GALNT2: variants seen among roughly 807,000 people sequenced by gnomAD.
GALNT2 encodes polypeptide N-acetylgalactosaminyltransferase 2.
In GALNT2, 31 loss-of-function variants were observed where a neutral mutation model predicts 81.4. That is an observed-to-expected ratio of 0.38 (90% confidence interval 0.29 to 0.51). GALNT2 has a LOEUF of 0.51. GALNT2 is among the 20% of genes least tolerant of loss of function. The probability of loss-of-function intolerance (pLI) is 0.87; values close to 1 mark genes in which losing one functional copy is unlikely to be tolerated. For synonymous variants in GALNT2, 303 were observed against 287.4 expected (o/e 1.05, Z -0.55); for missense variants, 629 against 765.7 (o/e 0.82, Z 2.11).
chr1:230,194,746 A>G (rs1572072344), intron 2 of GALNT2, among the ~76,000 whole-genome samples: 1 of 152,338 alleles, frequency 6.6e-6, no homozygotes, highest in Non-Finnish European at 1.5e-5. Context: ...AGTTGCAGGA[A>G]CGCCTGTAGG....
At chr1:230,094,425 A>C (rs1349937309) in intron 1 of GALNT2, among the ~76,000 whole-genome samples, 1 of 152,084 alleles carries the variant, frequency 6.6e-6, no homozygotes, top group African/African-American at 2.4e-5. Flanking sequence ...ACCTGAGCTC[A>C]GGAGTTTGAG....
At chr1:230,097,493 A>G (rs755891999) in intron 1 of GALNT2, among the ~76,000 whole-genome samples, 4 of 152,162 alleles carry the variant, frequency 2.6e-5, no homozygotes, top group Non-Finnish European at 5.9e-5. Context: ...GGAATCATAC[A>G]GTATTTGTCC....
chr1:230,279,177 A>T lies in GALNT2; in HGVS notation c.1561-126A>T. 2 of 1,036,824 alleles carry T rather than the reference A, an allele frequency of 1.9e-6. No individual in the cohort carries two copies. Among genetic ancestry groups the T allele is most frequent in the Non-Finnish European group, 2.8e-6 (2 of 725,728 alleles). The allele number at this position is 1,036,824 out of a possible 1,614,324, so 64.2% of individuals were successfully genotyped here. The stretch of plus-strand genomic sequence containing the variant: ...TGCAAGCTCCTCGGCCGTTCAGATG[A>T]GAGGCTGGGAAAAACGTGTCTATCT... On this transcript the variant is annotated intron_variant, in intron 15 of 15. Coordinates refer to ENST00000366672, the MANE Select transcript of GALNT2 (RefSeq NM_004481.5). This position sits in a 1 kb window ranked among gnomAD's most constrained non-coding sequence, Gnocchi z 4.6.
At chr1:230,144,964 T>G (rs1188518824) in intron 1 of GALNT2, among the ~76,000 whole-genome samples, 7 of 152,080 alleles carry the variant, frequency 4.6e-5, no homozygotes, top group Admixed American at 4.6e-4. Context: ...AGGTGAGATG[T>G]GTAGTGATGT....
intron 1 of GALNT2, among the ~76,000 whole-genome samples, chr1:230,134,237 T>C (rs1343394801): frequency 6.6e-6 from 1 of 151,514 alleles, no homozygotes; most frequent in Non-Finnish European, 1.5e-5. Flanking sequence ...GCCTCCCGAA[T>C]AGCTGGGACT....
In GALNT2 at chr1:230,279,737, C is replaced by T. The variant is rs890282620; in HGVS notation, c.*279C>T. ...TCCTTCCAGCTTTCACTTCTGCCGG[C>T]TCCGCAACTGAGTGACACCCAGCGA... On this transcript the variant is annotated 3_prime_UTR_variant, in exon 16 of 16. Transcript: ENST00000366672. The surrounding 1 kb of genome is among the most constrained non-coding windows in gnomAD (Gnocchi z 4.6). 116 of 526,386 alleles carry T rather than the reference C, an allele frequency of 2.2e-4. No individual in the cohort carries two copies. The highest frequency in any genetic ancestry group is 3.4e-4 in the Non-Finnish European group (95 of 278,476). The allele number at this position is 526,386 out of a possible 1,614,324, so 32.6% of individuals were successfully genotyped here.
At chr1:230,091,346 T>C (rs1281090152) in intron 1 of GALNT2, among the ~76,000 whole-genome samples, 1 of 152,104 alleles carries the variant, frequency 6.6e-6, no homozygotes, top group Admixed American at 6.5e-5. Context: ...AGTGCTGGGA[T>C]TACAGGTGTG....
In GALNT2 at chr1:230,281,629, GT is replaced by G. The variant is rs1364664950; in HGVS notation, c.*2172del. 6.5e-6 allele frequency: 1 copy of G among 152,728 alleles called. No individual in the cohort carries two copies. The highest frequency in any genetic ancestry group is 2.1e-4 in the South Asian group (1 of 4,822). 9.5% of individuals were successfully genotyped at this position (152,728 alleles called of 1,614,324 possible). ...CCTCTCAGCCTTCCTATCATCCCACGTGTCTACCCAGACCCTTGTGCGGCCC... is the reference window on the plus strand; with the variant it reads ...CCTCTCAGCCTTCCTATCATCCCACGGTCTACCCAGACCCTTGTGCGGCCC... On this transcript the variant is annotated 3_prime_UTR_variant, in exon 16 of 16. Transcript: ENST00000366672.
intron 1 of GALNT2, among the ~76,000 whole-genome samples, chr1:230,161,473 A>G (rs1662435862): frequency 6.6e-6 from 1 of 152,222 alleles, no homozygotes; most frequent in South Asian, 2.1e-4. Flanking sequence ...CAGACGTGGC[A>G]AAGAAATATG....
In GALNT2 at chr1:230,093,191, G is replaced by A. The variant is rs1348739501; in HGVS notation, c.126+25785G>A. Among the ~76,000 whole-genome samples the A allele has an allele frequency of 3.9e-5, 6 of 152,352 alleles. No homozygotes were observed. In the East Asian group the frequency reaches 9.6e-4, roughly 24 times the overall value. On this transcript the variant is annotated intron_variant, in intron 1 of 15. Transcript: ENST00000366672. ...GAAAGGAAGCATGTTGGGTTGCATA[G>A]TTCTCATTTGATAATACAATGAAAC...
chr1:230,112,796 G>A (rs112602089), intron 1 of GALNT2, among the ~76,000 whole-genome samples: 85 of 151,382 alleles, frequency 5.6e-4, no homozygotes, highest in African/African-American at 2.0e-3. Flanking sequence ...GTGTGGCAGG[G>A]GGGTGGGGGG....
chr1:230,175,635 C>CCTCCCCCTCCCTCTCCCCTCCTCCTT, intron 1 of GALNT2, among the ~76,000 whole-genome samples: 1 of 138,022 alleles, frequency 7.2e-6, no homozygotes, highest in Non-Finnish European at 1.6e-5. Flanking sequence ...CCCTCCTCCT[C>CCTCCCCCTCCCTCTCCCCTCCTCCTT]CTTTCCCTCT....
chr1:230,139,761 C>T (rs1645907176), intron 1 of GALNT2, among the ~76,000 whole-genome samples: 1 of 152,232 alleles, frequency 6.6e-6, no homozygotes, highest in Admixed American at 6.5e-5. Flanking sequence ...GAAGGATGAA[C>T]TGGTGTATTA....
At chr1:230,205,153 G>C (rs1346211386) in intron 3 of GALNT2, among the ~76,000 whole-genome samples, 1 of 152,166 alleles carries the variant, frequency 6.6e-6, no homozygotes, top group Non-Finnish European at 1.5e-5. Flanking sequence ...CAAATGGCCA[G>C]TGAAACTACA....
At chr1:230,122,614 CTG>C (rs3033644) in intron 1 of GALNT2, among the ~76,000 whole-genome samples, 58,714 of 150,700 alleles carry the variant, frequency 0.39, 11,408 homozygotes, top group South Asian at 0.53. Context: ...AAGGGTGGCT[CTG>C]TGTGTGTGTG....
intron 2 of GALNT2, among the ~76,000 whole-genome samples, chr1:230,192,731 A>G (rs2102698154): frequency 6.6e-6 from 1 of 152,384 alleles, no homozygotes; most frequent in East Asian, 1.9e-4. Context: ...TTTCCTCTAT[A>G]ACATCTGATA....
rs1008147885 is a variant in GALNT2, at chr1:230,193,455, G to A, written c.221-9682G>A. 3.3e-5 allele frequency among the ~76,000 whole-genome samples: 5 copies of A among 152,170 alleles called. No individual in the cohort carries two copies. Among genetic ancestry groups the A allele is most frequent in the South Asian group, 2.1e-4 (1 of 4,832 alleles). On this transcript the variant is annotated intron_variant, in intron 2 of 15. Coordinates refer to ENST00000366672, the MANE Select transcript of GALNT2 (RefSeq NM_004481.5). The surrounding 1 kb of genome is among the most constrained non-coding windows in gnomAD (Gnocchi z 4.3). ...ACCGCATTTGTGCATGTGCCTGTGCGTGAGCCTCTGTGTGCTGGGGTTTGC... is the reference window on the plus strand; with the variant it reads ...ACCGCATTTGTGCATGTGCCTGTGCATGAGCCTCTGTGTGCTGGGGTTTGC...
At chr1:230,158,683 A>T (rs1014989971) in intron 1 of GALNT2, among the ~76,000 whole-genome samples, 1 of 152,140 alleles carries the variant, frequency 6.6e-6, no homozygotes, top group African/African-American at 2.4e-5. Flanking sequence ...ATTTCCCTCC[A>T]CGTAAACCAA....
intron 1 of GALNT2, among the ~76,000 whole-genome samples, chr1:230,145,832 T>C (rs1456624663): frequency 6.6e-6 from 1 of 152,214 alleles, no homozygotes; most frequent in Non-Finnish European, 1.5e-5. Flanking sequence ...ATTACTTAAT[T>C]GTAAAGAAAT....
Sources: allele counts gnomAD v4.1 joint callset (sites outside exome capture counted in the v4.1 genomes callset), GRCh38; gene constraint gnomAD v4.1.1; non-coding constraint Gnocchi (gnomAD v3.1); transcripts MANE v1.5; gene names NCBI Gene and HGNC (gene_info 2026-07-23, HGNC 2026-07-21).